The following ZNF483 variants were observed in gnomAD, a reference collection of about 807,000 sequenced individuals.
ZNF483 encodes zinc finger protein HIT-10.
Under a neutral mutation model 28.6 loss-of-function variants are expected in ZNF483, and 9 were observed. That is an observed-to-expected ratio of 0.32 (90% CI 0.19 to 0.55). ZNF483 has a LOEUF of 0.55. Ranked by LOEUF, ZNF483 falls within the 20% of genes least tolerant of loss-of-function variation. The pLI, the probability that ZNF483 is intolerant of heterozygous loss-of-function variation, is 0.93. For synonymous variants in ZNF483, 322 were observed against 306.2 expected (o/e 1.05, Z -0.54); for missense variants, 675 against 871.7 (o/e 0.77, Z 2.84).
At chr9:111,563,147 A>C (rs1275373782) in intron 5 of ZNF483, 1 of 1,613,908 alleles carries the variant, frequency 6.2e-7, no homozygotes, top group African/African-American at 1.3e-5. Flanking sequence ...GTCTTCCCCA[A>C]ATTATCTCCT....
In ZNF483 at chr9:111,534,317, T is replaced by C. The variant is rs553381097; in HGVS notation, c.685T>C (p.Trp229Arg). 1.2e-6 allele frequency: 2 copies of C among 1,614,186 alleles called. No homozygotes were observed. The highest frequency in any genetic ancestry group is 2.2e-5 in the East Asian group (1 of 44,884). ...ISQLKWVELP[W>R]LLEEVSKSSR... is the part of the protein sequence containing the mutation. Reference sequence around the variant, plus strand: ...CCAGCTAAAGTGGGTTGAATTGCCATGGCTGCTGGAAGAAGTCTCAAAAAG... The same window carrying C: ...CCAGCTAAAGTGGGTTGAATTGCCACGGCTGCTGGAAGAAGTCTCAAAAAG... The change falls in exon 5 of 6, where the codon TGG becomes CGG. Residue 229 changes from tryptophan to arginine, a missense_variant. Physicochemically the swap from Trp to Arg is moderately radical, Grantham distance 101 (BLOSUM62 -3). Around this residue, in one of 6 missense-constraint regions of ZNF483, gnomAD observed 525 missense variants for 581.8 expected, o/e 0.90. Transcript: ENST00000309235.
intron 2 of ZNF483, chr9:111,528,169 A>C (rs903361298): frequency 3.3e-5 from 25 of 749,758 alleles, no homozygotes; most frequent in Middle Eastern, 4.0e-4. Flanking sequence ...CAACCAGCTC[A>C]GGCCCTAATG....
rs199858852 is a variant in ZNF483 at position 111,573,582 on chromosome 9, TG to T, written c.722-2775del. Among the ~76,000 whole-genome samples, 596 of 151,960 alleles carry T rather than the reference TG, an allele frequency of 3.9e-3. 3 individuals carry two copies. The highest frequency in any genetic ancestry group is 0.015 in the East Asian group (77 of 5,174). On this transcript the variant is annotated intron_variant, in intron 5 of 5. Transcript: ENST00000358151. ...TACTTTCTCGTACTTTCTCCTTTTT[TG>T]GGGGGGGACCATAGGTAATTTGTGA...
At chr9:111,564,019 G>A (rs1216435536) in intron 5 of ZNF483, 1 of 167,546 alleles carries the variant, frequency 6.0e-6, no homozygotes, top group Admixed American at 6.5e-5. Flanking sequence ...CCTTTATCTG[G>A]GAGTGTGGGA....
downstream of ZNF483, among the ~76,000 whole-genome samples, chr9:111,578,001 G>C (rs933860359): frequency 7.6e-6 from 1 of 131,838 alleles, no homozygotes; most frequent in Non-Finnish European, 1.7e-5. Flanking sequence ...AGCGTTTTTT[G>C]GGGGGGGTGA....
rs1827762769 is a variant in ZNF483, at chr9:111,544,614, G to C, written c.*1444G>C. Among the ~76,000 whole-genome samples the C allele has an allele frequency of 6.6e-6, 1 of 152,076 alleles. No homozygotes were observed. Among genetic ancestry groups the C allele is most frequent in the Non-Finnish European group, 1.5e-5 (1 of 68,018 alleles). ...TCTATTATAACCCCTACCATTTGGAGAATAGATACCCTAAAATCTAAAGAG... is the reference window on the plus strand; with the variant it reads ...TCTATTATAACCCCTACCATTTGGACAATAGATACCCTAAAATCTAAAGAG... On this transcript the variant is annotated 3_prime_UTR_variant, in exon 6 of 6. Coordinates refer to ENST00000309235, the MANE Select transcript of ZNF483 (RefSeq NM_133464.5).
chr9:111,537,038 C>G (rs1440535024), intron 5 of ZNF483, among the ~76,000 whole-genome samples: 1 of 152,078 alleles, frequency 6.6e-6, no homozygotes, highest in African/African-American at 2.4e-5. Flanking sequence ...CTATTCTGTG[C>G]TTGTTGGGAG....
In ZNF483 at chr9:111,526,792, T is replaced by C. The variant is rs557241993; in HGVS notation, c.-128-476T>C. Among the ~76,000 whole-genome samples, 15 of 152,280 alleles carry C rather than the reference T, an allele frequency of 9.9e-5. No homozygotes were observed. The South Asian group carries it at 3.1e-3, about 32-fold the overall frequency. The stretch of plus-strand genomic sequence containing the variant: ...TTTCCTTAACCCTTAAGTAGCTCCC[T>C]GGTTTTTGACTATAAAGAAAATTAT... On this transcript the variant is annotated intron_variant, in intron 1 of 5. Transcript: ENST00000309235.
rs1827886097 is a variant in ZNF483 at position 111,549,776 on chromosome 9, ATCTTCTTCATTTTCTC to A, written c.*6608_*6623del. ...TTCATTTTTCTGCTTTGAAGCTTCA[ATCTTCTTCATTTTCTC>A]TTTTGATCTGTCAACACAATCAGAA... On this transcript the variant is annotated 3_prime_UTR_variant, in exon 6 of 6. Transcript: ENST00000309235. The A allele has an allele frequency of 6.5e-7, 1 of 1,548,158 alleles. No individual in the cohort carries two copies. The highest frequency in any genetic ancestry group is 2.0e-5 in the Admixed American group (1 of 50,900).
chr9:111,562,264 A>G (rs566179183), intron 5 of ZNF483, among the ~76,000 whole-genome samples: 2 of 149,820 alleles, frequency 1.3e-5, no homozygotes, highest in South Asian at 4.2e-4. Context: ...CTAAGGTCAC[A>G]GAAGCAGTAA....
chr9:111,569,493 T>C lies in ZNF483; in HGVS notation c.722-6872T>C, dbSNP rs115810724. 7.2e-3 allele frequency among the ~76,000 whole-genome samples: 1,091 copies of C among 152,282 alleles called. 12 individuals are homozygous for C. The highest frequency in any genetic ancestry group is 0.024 in the African/African-American group (1,017 of 41,562). On this transcript the variant is annotated intron_variant, in intron 5 of 5. Transcript: ENST00000358151. Reference sequence around the variant, plus strand: ...CCCTGTGACCTTGACAAAAGTTAATTTTGGCCAGGTGCGGTGGCTCACAAC... The same window carrying C: ...CCCTGTGACCTTGACAAAAGTTAATCTTGGCCAGGTGCGGTGGCTCACAAC...
At chr9:111,575,971 T>C (rs1829035350) in intron 5 of ZNF483, among the ~76,000 whole-genome samples, 1 of 151,742 alleles carries the variant, frequency 6.6e-6, no homozygotes, top group South Asian at 2.1e-4. Flanking sequence ...CTGGGCAACA[T>C]AGTGAGACTC....
At chr9:111,531,949 T>C (rs577913320) in intron 3 of ZNF483, among the ~76,000 whole-genome samples, 3 of 152,296 alleles carry the variant, frequency 2.0e-5, no homozygotes, top group Admixed American at 6.5e-5. Flanking sequence ...TCCCACAGCA[T>C]TGTGATTACA....
At chr9:111,533,988 A>G (rs1349994336) in intron 4 of ZNF483, 123 bp downstream of exon 4, 6 of 1,205,228 alleles carry the variant, frequency 5.0e-6, no homozygotes, top group Non-Finnish European at 5.9e-6. Context: ...GACTGATAGG[A>G]CTAATCCTAA....
intron 5 of ZNF483, chr9:111,539,474 G>A: frequency 2.2e-6 from 1 of 455,350 alleles, no homozygotes; most frequent in South Asian, 1.6e-5. Context: ...GGTTCAATAA[G>A]AGAATGAGGC....
At chr9:111,573,801 G>T (rs1828937179) in intron 5 of ZNF483, among the ~76,000 whole-genome samples, 1 of 152,146 alleles carries the variant, frequency 6.6e-6, no homozygotes, top group South Asian at 2.1e-4. Context: ...TAATGAATAT[G>T]GTTCTCTGGT....
exon 6 of ZNF483, chr9:111,577,824 G>C (rs1829125733): frequency 6.6e-6 from 1 of 152,188 alleles, no homozygotes; most frequent in Admixed American, 6.5e-5. Flanking sequence ...CAGCCTAGGT[G>C]ACAGAGTGAG....
In ZNF483 at chr9:111,534,282, A is replaced by G; in HGVS notation, c.650A>G (p.Glu217Gly). ...EFLDFPVSKL[E>G]LISQLKWVEL... ...GCAGACTTTCCAGTTTCAAAATTAG[A>G]GTTGATTTCCCAGCTAAAGTGGGTT... The change falls in exon 5 of 6, where the codon GAG becomes GGG. Residue 217 changes from glutamate (E) to glycine (G), a missense_variant. By Grantham distance (98) the Glu-to-Gly change is moderately conservative. Around this residue, in one of 6 missense-constraint regions of ZNF483, gnomAD observed 525 missense variants for 581.8 expected, o/e 0.90. Coordinates refer to ENST00000309235, the MANE Select transcript of ZNF483 (RefSeq NM_133464.5). 6.2e-7 allele frequency: 1 copy of G among 1,614,074 alleles called. No individual in the cohort carries two copies. The highest frequency in any genetic ancestry group is 8.5e-7 in the Non-Finnish European group (1 of 1,179,990).
chr9:111,540,252 T>A (rs1481801382), intron 5 of ZNF483, among the ~76,000 whole-genome samples: 1 of 152,220 alleles, frequency 6.6e-6, no homozygotes, highest in East Asian at 1.9e-4. Flanking sequence ...TTTTCTGTTT[T>A]AAACTATATA....
Sources: gnomAD v4.1 joint callset for allele counts (sites outside exome capture counted in the v4.1 genomes callset) on GRCh38, gnomAD v4.1.1 for gene constraint, gnomAD v4.1.1 regional missense constraint, MANE v1.5 for transcripts, NCBI Gene and HGNC (gene_info 2026-07-23, HGNC 2026-07-21) for gene names.